Variants in GOLGA4 observed in about 807,000 individuals in gnomAD.
GOLGA4 encodes golgin A4, also known as golgin subfamily A member 4.
Under a neutral mutation model 265.9 loss-of-function variants are expected in GOLGA4, and 169 were observed. That is an observed-to-expected ratio of 0.64 (90% CI 0.56 to 0.72). The LOEUF (loss-of-function observed/expected upper bound fraction) is 0.72. GOLGA4 is among the 30% of genes least tolerant of loss of function. The pLI, the probability that GOLGA4 is intolerant of heterozygous loss-of-function variation, is 0.00. For missense variants in GOLGA4, 2,482 were observed against 2,483.4 expected (o/e 1.00, Z 0.01); for synonymous variants, 923 against 855.8 (o/e 1.08, Z -1.37).
At chr3:37,277,185 A>T (rs2096821695) in intron 2 of GOLGA4, among the ~76,000 whole-genome samples, 3 of 152,216 alleles carry the variant, frequency 2.0e-5, no homozygotes, top group African/African-American at 7.2e-5. Flanking sequence ...ATCTGTAACT[A>T]ACCGTGATCA....
chr3:37,313,492 A>G (rs781242343), intron 10 of GOLGA4: 11 of 152,294 alleles, frequency 7.2e-5, no homozygotes, highest in African/African-American at 2.2e-4. Context: ...TCGGTGAACA[A>G]CTGTCTCCCT....
At chr3:37,351,714 A>C (rs2097075079) in intron 21 of GOLGA4, among the ~76,000 whole-genome samples, 1 of 152,148 alleles carries the variant, frequency 6.6e-6, no homozygotes, top group African/African-American at 2.4e-5. Flanking sequence ...AATGAGCAGT[A>C]ATATTTGAAG....
rs916532166 is a variant in GOLGA4, at chr3:37,339,052, C to T, written c.6397-1072C>T. On this transcript the variant is annotated intron_variant, in intron 19 of 23. Coordinates refer to ENST00000361924, the MANE Select transcript of GOLGA4 (RefSeq NM_002078.5). ...AATTTTTTTGTATTTTTAGTAGAGA[C>T]GGGGTTTCACCATGTTAGCCAGGAT... Among the ~76,000 whole-genome samples, 11 of 151,796 alleles carry T rather than the reference C, an allele frequency of 7.2e-5. No individual in the cohort carries two copies. In the East Asian group the frequency reaches 7.7e-4, roughly 11 times the overall value.
chr3:37,323,380 C>T (rs1406556471), intron 13 of GOLGA4, among the ~76,000 whole-genome samples: 2 of 152,080 alleles, frequency 1.3e-5, no homozygotes, highest in African/African-American at 4.8e-5. Context: ...CTGCTCACCT[C>T]GGCCTCCCAA....
intron 14 of GOLGA4, 85 bp from the exon 15 acceptor site, chr3:37,328,331 T>C (rs2096979099): frequency 7.6e-7 from 1 of 1,308,952 alleles, no homozygotes; most frequent in Non-Finnish European, 1.1e-6. Context: ...GAACTCATAC[T>C]GTATGCACTG....
chr3:37,245,629 A>G (rs2096717181), intron 1 of GOLGA4, among the ~76,000 whole-genome samples: 1 of 152,248 alleles, frequency 6.6e-6, no homozygotes, highest in East Asian at 1.9e-4. Flanking sequence ...ATAATAAGCT[A>G]GTCACAAACT....
chr3:37,328,422 G>A lies in GOLGA4; in HGVS notation c.5946G>A (p.Glu1982=), dbSNP rs770308459. Residue 1982 remains glutamate (E), a synonymous_variant, in exon 15 of 24, where the codon GAG becomes GAA. Coordinates refer to ENST00000361924, the MANE Select transcript of GOLGA4 (RefSeq NM_002078.5). Reference sequence around the variant, plus strand: ...GTACATTTTTATTACTCAGACAGGAGCAGGAAGATCTTGAACTGAAGCACA... The same window carrying A: ...GTACATTTTTATTACTCAGACAGGAACAGGAAGATCTTGAACTGAAGCACA... The part of the protein sequence containing the change: ...DQEREEKIKQ[E]QEDLELKHNS... 1.2e-6 allele frequency: 2 copies of A among 1,612,268 alleles called. No individual in the cohort carries two copies. Among genetic ancestry groups the A allele is most frequent in the Non-Finnish European group, 1.7e-6 (2 of 1,179,012 alleles).
chr3:37,326,327 A>G lies in GOLGA4; in HGVS notation c.4441A>G (p.Ile1481Val). The change falls in exon 14 of 24, where the codon ATA (isoleucine) becomes GTA (valine). Residue 1481 changes from isoleucine (I) to valine (V), a missense_variant. Around this residue, in one of 3 missense-constraint regions of GOLGA4, gnomAD observed 942 missense variants for 983.1 expected, o/e 0.96. Coordinates refer to ENST00000361924, the MANE Select transcript of GOLGA4 (RefSeq NM_002078.5). ...SKEAYEKDEQ[I>V]NLLKEELDQQ... Reference sequence around the variant, plus strand: ...GGAAGCTTATGAAAAGGATGAGCAGATAAATTTATTGAAGGAAGAGCTTGA... The same window carrying G: ...GGAAGCTTATGAAAAGGATGAGCAGGTAAATTTATTGAAGGAAGAGCTTGA... 1 of 1,611,964 alleles carries G rather than the reference A, an allele frequency of 6.2e-7. No homozygotes were observed. The highest frequency in any genetic ancestry group is 2.2e-5 in the East Asian group (1 of 44,830).
At position 37,366,448 on chromosome 3, in the gene GOLGA4, A is replaced by G. The variant is rs1032606979; in HGVS notation, c.*402A>G. Reference sequence around the variant, plus strand: ...GTGATTTTTTAAAAAGACTTGTGCAATACATTTTGAGGTGAAACTTAGTGG... The same window carrying G: ...GTGATTTTTTAAAAAGACTTGTGCAGTACATTTTGAGGTGAAACTTAGTGG... On this transcript the variant is annotated 3_prime_UTR_variant, in exon 24 of 24. Coordinates refer to ENST00000361924, the MANE Select transcript of GOLGA4 (RefSeq NM_002078.5). 3 of 225,624 alleles carry G rather than the reference A, an allele frequency of 1.3e-5. No homozygotes were observed. Among genetic ancestry groups the G allele is most frequent in the Admixed American group, 5.6e-5 (1 of 17,794 alleles). 14.0% of individuals were successfully genotyped at this position (225,624 alleles called of 1,614,324 possible).
At chr3:37,353,160 C>A (rs1386284264) in intron 21 of GOLGA4, among the ~76,000 whole-genome samples, 2 of 151,934 alleles carry the variant, frequency 1.3e-5, no homozygotes, top group African/African-American at 4.8e-5. Flanking sequence ...AATACAGTGA[C>A]CATCATAACA....
Position 37,355,563 on chromosome 3 carries a change from C to CT in GOLGA4, c.6663+379dup, listed in dbSNP as rs1284366171. Among the ~76,000 whole-genome samples the CT allele has an allele frequency of 2.6e-5, 4 of 152,052 alleles. 1 individual carries two copies. The highest frequency in any genetic ancestry group is 2.9e-5 in the Non-Finnish European group (2 of 67,982). On this transcript the variant is annotated intron_variant, in intron 22 of 23. Coordinates refer to ENST00000361924, the MANE Select transcript of GOLGA4 (RefSeq NM_002078.5). ...GTTAGATGATTTATATATTACAGTT[C>CT]TTTATTGCATTCCAGTTGATTTCCA...
In GOLGA4 at chr3:37,326,893, T is replaced by A. The variant is rs1398783858; in HGVS notation, c.5007T>A (p.Gly1669=). Residue 1669 remains glycine, a synonymous_variant, in exon 14 of 24, where the codon GGT becomes GGA. Coordinates refer to ENST00000361924, the MANE Select transcript of GOLGA4 (RefSeq NM_002078.5). ...AGAAAGAAGAACAGTATAAAAAAGG[T>A]ACAGAAAGCCATTTGAGTGAGCTAA... The part of the protein sequence containing the change: ...MEEKEEQYKK[G]TESHLSELNT... 6 of 1,613,436 alleles carry A rather than the reference T, an allele frequency of 3.7e-6. No individual in the cohort carries two copies. Among genetic ancestry groups the A allele is most frequent in the Non-Finnish European group, 5.1e-6 (6 of 1,179,684 alleles).
chr3:37,346,205 G>A (rs1429960347), intron 20 of GOLGA4, among the ~76,000 whole-genome samples: 1 of 152,130 alleles, frequency 6.6e-6, no homozygotes, highest in Non-Finnish European at 1.5e-5. Flanking sequence ...TGCATGTAAT[G>A]TACATGTAAT....
intron 21 of GOLGA4, 39 bp from the exon 22 acceptor site, chr3:37,355,062 T>G (rs1222146166): frequency 1.7e-6 from 2 of 1,146,568 alleles, no homozygotes; most frequent in Non-Finnish European, 2.7e-6. Flanking sequence ...TTTATATGCT[T>G]CACTGTCTGT....
intron 21 of GOLGA4, among the ~76,000 whole-genome samples, chr3:37,349,239 C>T (rs963018241): frequency 1.3e-5 from 2 of 152,114 alleles, no homozygotes; most frequent in African/African-American, 4.8e-5. Flanking sequence ...CCATCTCTAA[C>T]TTTAAGGCGT....
Position 37,298,984 on chromosome 3 carries a change from A to G in GOLGA4, c.966A>G (p.Gln322=), listed in dbSNP as rs1352477620. The change falls in exon 8 of 24, where the codon CAA becomes CAG. Residue 322 remains glutamine (Q), a synonymous_variant. Coordinates refer to ENST00000361924, the MANE Select transcript of GOLGA4 (RefSeq NM_002078.5). ...LTSEKEALQE[Q]LDERLQELEK... ...GTGAAAAAGAAGCTCTGCAAGAACAACTGGATGAAAGACTTCAAGAACTAG... is the reference window on the plus strand; with the variant it reads ...GTGAAAAAGAAGCTCTGCAAGAACAGCTGGATGAAAGACTTCAAGAACTAG... 6.2e-7 allele frequency: 1 copy of G among 1,600,204 alleles called. No individual in the cohort carries two copies. The highest frequency in any genetic ancestry group is 1.8e-5 in the Admixed American group (1 of 56,052).
chr3:37,276,946 ACTCT>A (rs1214805062), intron 2 of GOLGA4, among the ~76,000 whole-genome samples: 2 of 152,042 alleles, frequency 1.3e-5, no homozygotes, highest in African/African-American at 4.8e-5. Flanking sequence ...AAATTCTGTT[ACTCT>A]CTGTTATTAA....
At chr3:37,336,446 G>C (rs1177546674) in intron 17 of GOLGA4, among the ~76,000 whole-genome samples, 1 of 151,978 alleles carries the variant, frequency 6.6e-6, no homozygotes, top group Non-Finnish European at 1.5e-5. Flanking sequence ...TTTACCTTGT[G>C]TCCTAAGAAA....
At chr3:37,360,702 T>C (rs1386036350) in intron 22 of GOLGA4, among the ~76,000 whole-genome samples, 1 of 152,178 alleles carries the variant, frequency 6.6e-6, no homozygotes, top group Admixed American at 6.5e-5. Flanking sequence ...AATTGAAATT[T>C]CAGTTTGGGT....
Sources: gnomAD v4.1 joint callset for allele counts (sites outside exome capture counted in the v4.1 genomes callset) on GRCh38, gnomAD v4.1.1 for gene constraint, gnomAD v4.1.1 regional missense constraint, MANE v1.5 for transcripts, NCBI Gene and HGNC (gene_info 2026-07-23, HGNC 2026-07-21) for gene names.